The following FILIP1L variants were observed in gnomAD, a reference collection of about 807,000 sequenced individuals.
The protein encoded by FILIP1L is filamin A-interacting protein 1-like.
In FILIP1L, 55 loss-of-function variants were observed where a neutral mutation model predicts 96.6. That is an observed-to-expected ratio of 0.57 (90% CI 0.46 to 0.71). The LOEUF (loss-of-function observed/expected upper bound fraction) is 0.71. Among genes scored for constraint, FILIP1L ranks in the 30% least tolerant of loss-of-function variants. The probability of loss-of-function intolerance (pLI) is 0.00; values close to 1 mark genes in which losing one functional copy is unlikely to be tolerated. For synonymous variants in FILIP1L, 467 were observed against 473.9 expected (o/e 0.99, Z 0.19); for missense variants, 1,304 against 1,321.2 (o/e 0.99, Z 0.20).
intron 4 of FILIP1L, chr3:99,876,019 G>C (rs929410603): frequency 1.0e-6 from 1 of 981,488 alleles, no homozygotes; most frequent in Non-Finnish European, 1.2e-6. Context: ...TTGCTACCTG[G>C]CTGTCTGACA....
At chr3:99,868,480 C>A (rs1944628883) in intron 4 of FILIP1L, among the ~76,000 whole-genome samples, 1 of 152,170 alleles carries the variant, frequency 6.6e-6, no homozygotes, top group Non-Finnish European at 1.5e-5. Flanking sequence ...TATGGATAGA[C>A]TAGCATAACC....
intron 1 of FILIP1L, among the ~76,000 whole-genome samples, chr3:100,068,040 T>C (rs1385029741): frequency 6.6e-6 from 1 of 152,174 alleles, no homozygotes; most frequent in Non-Finnish European, 1.5e-5. Flanking sequence ...CAAGCCAACC[T>C]GGATCCACCA....
intron 1 of FILIP1L, among the ~76,000 whole-genome samples, chr3:99,935,331 T>C (rs1707629034): frequency 6.6e-6 from 1 of 151,680 alleles, no homozygotes; most frequent in African/African-American, 2.4e-5. Flanking sequence ...CTTCATGAAG[T>C]GCTGACCTAG....
intron 4 of FILIP1L, among the ~76,000 whole-genome samples, chr3:99,872,606 G>A (rs1191674592): frequency 1.3e-5 from 2 of 151,782 alleles, no homozygotes; most frequent in Non-Finnish European, 2.9e-5. Flanking sequence ...CCCCAAGCTT[G>A]TTTAAAAAAA....
intron 1 of FILIP1L, among the ~76,000 whole-genome samples, chr3:100,048,550 C>A (rs1352423552): frequency 6.6e-6 from 1 of 152,208 alleles, no homozygotes; most frequent in Non-Finnish European, 1.5e-5. Context: ...TGACACAACC[C>A]ACCACACAGT....
At chr3:99,968,556 A>G (rs1447776536) in intron 1 of FILIP1L, among the ~76,000 whole-genome samples, 2 of 152,190 alleles carry the variant, frequency 1.3e-5, no homozygotes, top group East Asian at 1.9e-4. Flanking sequence ...AAGTCACCCC[A>G]TATCAGTGGT....
At chr3:99,857,274 A>G (rs1386767004) in intron 4 of FILIP1L, among the ~76,000 whole-genome samples, 1 of 152,222 alleles carries the variant, frequency 6.6e-6, no homozygotes, top group Admixed American at 6.5e-5. Flanking sequence ...CTCCAAGAAC[A>G]TTATTTTCTC....
At chr3:99,950,687 C>G (rs1708150013) in intron 1 of FILIP1L, among the ~76,000 whole-genome samples, 1 of 152,154 alleles carries the variant, frequency 6.6e-6, no homozygotes, top group Non-Finnish European at 1.5e-5. Context: ...ATGGAGGCAG[C>G]CCACGATTCT....
At chr3:99,920,439 T>C (rs984698501) in intron 4 of FILIP1L, among the ~76,000 whole-genome samples, 1 of 152,250 alleles carries the variant, frequency 6.6e-6, no homozygotes, top group Non-Finnish European at 1.5e-5. Flanking sequence ...GCATTGCTTT[T>C]GTGTAAAAAA....
In FILIP1L at chr3:99,930,999, T is replaced by G; in HGVS notation, c.22A>C (p.Thr8Pro). 2 of 1,613,752 alleles carry G rather than the reference T, an allele frequency of 1.2e-6. No homozygotes were observed. Among genetic ancestry groups the G allele is most frequent in the Non-Finnish European group, 1.7e-6 (2 of 1,179,918 alleles). MRSRGSD[T>P]EGSAQKKFPR... ...AATTTCTTTTGGGCTGAGCCCTCGG[T>G]ATCACTGCCTCTGGAACGCATTCTT... is the stretch of plus-strand genomic sequence containing the variant. Residue 8 changes from threonine to proline, a missense_variant, in exon 2 of 6, where the codon ACC (threonine) becomes CCC (proline). Transcript: ENST00000477258.
At chr3:100,066,526 T>TTAC (rs1360422093) in intron 1 of FILIP1L, among the ~76,000 whole-genome samples, 9 of 78,166 alleles carry the variant, frequency 1.2e-4, no homozygotes, top group Non-Finnish European at 2.0e-4. Context: ...TCTTTTTTTT[T>TTAC]TTTTTTTTTT....
At chr3:100,064,287 A>G (rs2065623497) in intron 1 of FILIP1L, among the ~76,000 whole-genome samples, 1 of 152,196 alleles carries the variant, frequency 6.6e-6, no homozygotes, top group African/African-American at 2.4e-5. Flanking sequence ...TTAACTTACT[A>G]ATAGACAAAA....
intron 1 of FILIP1L, among the ~76,000 whole-genome samples, chr3:100,098,067 T>C (rs1187223090): frequency 1.3e-5 from 2 of 152,198 alleles, no homozygotes; most frequent in Non-Finnish European, 2.9e-5. Context: ...AGCAACAAGA[T>C]CATAGGTCAG....
intron 4 of FILIP1L, among the ~76,000 whole-genome samples, chr3:99,862,616 T>TGACAACTACTGAATGTCTCCA (rs998648535): frequency 1.3e-5 from 2 of 152,216 alleles, no homozygotes; most frequent in Admixed American, 6.5e-5. Context: ...AGCTCAGTTG[T>TGACAACTACTGAATGTCTCCA]GACAACTACT....
At chr3:100,034,849 A>C (rs1469243420) in intron 1 of FILIP1L, among the ~76,000 whole-genome samples, 1 of 152,222 alleles carries the variant, frequency 6.6e-6, no homozygotes, top group African/African-American at 2.4e-5. Flanking sequence ...CGGTATATAC[A>C]TACGAATATA....
intron 5 of FILIP1L, among the ~76,000 whole-genome samples, chr3:99,843,502 A>T (rs1409639118): frequency 1.3e-5 from 2 of 152,206 alleles, no homozygotes; most frequent in Non-Finnish European, 2.9e-5. Context: ...GTCAGAATAC[A>T]TTTGCCAGTG....
intron 1 of FILIP1L, among the ~76,000 whole-genome samples, chr3:99,931,266 C>T (rs1707474474): frequency 6.6e-6 from 1 of 152,130 alleles, no homozygotes; most frequent in Non-Finnish European, 1.5e-5. Flanking sequence ...ATTAAGGCCA[C>T]TTATGTCCAT....
chr3:100,084,030 C>G (rs2065969954), intron 1 of FILIP1L, among the ~76,000 whole-genome samples: 1 of 152,116 alleles, frequency 6.6e-6, no homozygotes, highest in South Asian at 2.1e-4. Flanking sequence ...TTCTTCCTTT[C>G]ATAAAATAAT....
chr3:99,972,345 G>A (rs1018579834), intron 1 of FILIP1L, among the ~76,000 whole-genome samples: 1 of 152,198 alleles, frequency 6.6e-6, no homozygotes, highest in Non-Finnish European at 1.5e-5. Flanking sequence ...TAATGCCATG[G>A]CAGGATTACT....
Sources: allele counts gnomAD v4.1 joint callset (sites outside exome capture counted in the v4.1 genomes callset), GRCh38; gene constraint gnomAD v4.1.1; transcripts MANE v1.5; gene names NCBI Gene and HGNC (gene_info 2026-07-23, HGNC 2026-07-21).